The following POLR1B variants were observed in gnomAD, a reference collection of about 807,000 sequenced individuals.
POLR1B encodes DNA-directed RNA polymerase I subunit RPA2.
A neutral mutation model predicts 105.8 loss-of-function variants in POLR1B; 30 were observed. The ratio of observed to expected loss-of-function variants is 0.28; its 90% CI spans 0.21 to 0.38. POLR1B has a LOEUF of 0.38. Ranked by LOEUF, POLR1B falls within the 10% of genes least tolerant of loss-of-function variation. POLR1B has a pLI of 1.00. For missense variants in POLR1B, 976 were observed against 1,435.8 expected (o/e 0.68, Z 5.17); for synonymous variants, 485 against 505.1 (o/e 0.96, Z 0.53).
chr2:112,566,114 G>A (rs547308301), intron 10 of POLR1B, among the ~76,000 whole-genome samples: 7 of 152,128 alleles, frequency 4.6e-5, no homozygotes, highest in East Asian at 1.9e-4. Flanking sequence ...TTGGCCTCCC[G>A]AAGTGCTGGG....
rs188545312 is a variant in POLR1B at position 112,578,994 on chromosome 2, G to A, written c.*3265G>A. On this transcript the variant is annotated 3_prime_UTR_variant, in exon 15 of 15. Transcript: ENST00000263331. ...AGGCTGAGGTGTGCAGATCACTTGA[G>A]GTCAGGAGTTTGAGACCAGCCTGGC... 6.6e-4 allele frequency among the ~76,000 whole-genome samples: 100 copies of A among 152,142 alleles called. No individual in the cohort carries two copies. Among genetic ancestry groups the A allele is most frequent in the Non-Finnish European group, 1.2e-3 (79 of 67,998 alleles).
chr2:112,564,582 G>A (rs1684182390), intron 10 of POLR1B, 83 bp downstream of exon 10: 1 of 1,563,842 alleles, frequency 6.4e-7, no homozygotes. Flanking sequence ...TAACCCCTGG[G>A]CGGTCTAGAG....
In POLR1B at chr2:112,550,694, A is replaced by G. The variant is rs74635350; in HGVS notation, c.626-172A>G. ...GTTTCTCAATCTGGGTAGATTTTGC[A>G]TGCAAGAGGACATTTGCTGAGGTTT... On this transcript the variant is annotated intron_variant, in intron 4 of 14. Coordinates refer to ENST00000263331, the MANE Select transcript of POLR1B (RefSeq NM_019014.6). 3,682 of 626,392 alleles carry G rather than the reference A, an allele frequency of 5.9e-3. 109 individuals carry two copies. The African/African-American group carries it at 0.06, about 10-fold the overall frequency. The allele number at this position is 626,392 out of a possible 1,614,324, so 38.8% of individuals were successfully genotyped here.
chr2:112,579,182 T>C lies in POLR1B; in HGVS notation c.*3453T>C, dbSNP rs1021181498. 9.0e-6 allele frequency among the ~76,000 whole-genome samples: 1 copy of C among 110,892 alleles called. No homozygotes were observed. The highest frequency in any genetic ancestry group is 1.7e-5 in the Non-Finnish European group (1 of 60,212). 72.7% of individuals were successfully genotyped at this position (110,892 alleles called of 152,430 possible). A position where few individuals can be genotyped will look rare whatever the true frequency, so the allele number is the denominator to read the frequency against. On this transcript the variant is annotated 3_prime_UTR_variant, in exon 15 of 15. Transcript: ENST00000263331. ...AAGATCACGCCACTGCACAGCAACC[T>C]GGGCAACAGAGCAAGACTAGAGTCT...
chr2:112,570,392 A>C (rs1462973290), intron 12 of POLR1B, among the ~76,000 whole-genome samples: 5 of 152,146 alleles, frequency 3.3e-5, no homozygotes, highest in Non-Finnish European at 7.4e-5. Flanking sequence ...GTCACTTTTT[A>C]TTCTGTCTTC....
chr2:112,574,130 C>G (rs1436747665), intron 14 of POLR1B, among the ~76,000 whole-genome samples: 2 of 152,178 alleles, frequency 1.3e-5, no homozygotes, highest in Non-Finnish European at 2.9e-5. Flanking sequence ...CAGGCCTGAG[C>G]CACCATCCCT....
Position 112,573,557 on chromosome 2 carries a change from C to A in POLR1B, c.2272-5C>A. The A allele has an allele frequency of 6.2e-7, 1 of 1,608,150 alleles. No homozygotes were observed. Among genetic ancestry groups the A allele is most frequent in the Non-Finnish European group, 8.5e-7 (1 of 1,177,188 alleles). On this transcript the variant is annotated splice_polypyrimidine_tract_variant and splice_region_variant and intron_variant, in intron 13 of 14. Coordinates refer to ENST00000263331, the MANE Select transcript of POLR1B (RefSeq NM_019014.6). ...CAGTCTTTTAACGATTCTTTTACTT[C>A]ACAGATTGTGAATAAGGCCTCTTGG...
chr2:112,547,308 C>G, intron 2 of POLR1B, 113 bp from the exon 3 acceptor site: 1 of 1,482,904 alleles, frequency 6.7e-7, no homozygotes, highest in South Asian at 1.3e-5. Context: ...CCTTCTAAAT[C>G]TAAGGCATAA....
rs748261770 is a variant in POLR1B at position 112,558,095 on chromosome 2, G to T, written c.1330+14G>T. ...GTTCTAAAACAGGTAAAATTAAATCGATCGTTTTAGTTATGTTTTTCAAAT... is the reference window on the plus strand; with the variant it reads ...GTTCTAAAACAGGTAAAATTAAATCTATCGTTTTAGTTATGTTTTTCAAAT... On this transcript the variant is annotated intron_variant, in intron 8 of 14. Coordinates refer to ENST00000263331, the MANE Select transcript of POLR1B (RefSeq NM_019014.6). 3.0e-6 allele frequency: 4 copies of T among 1,317,952 alleles called. No individual in the cohort carries two copies. Among genetic ancestry groups the T allele is most frequent in the South Asian group, 5.9e-5 (2 of 33,810 alleles). The allele number at this position is 1,317,952 out of a possible 1,614,324, so 81.6% of individuals were successfully genotyped here.
In POLR1B at chr2:112,542,616, C is replaced by A. The variant is rs1316394001; in HGVS notation, c.122C>A (p.Ala41Glu). The A allele has an allele frequency of 6.2e-7, 1 of 1,614,134 alleles. No homozygotes were observed. Residue 41 changes from alanine (A) to glutamate (E), a missense_variant, in exon 1 of 15, where the codon GCG becomes GAG. By Grantham distance (107) the Ala-to-Glu change is moderately radical. Transcript: ENST00000263331. ...GCAGCGTTGCAGGAGCTGACGCGGG[C>A]GCACGTGGAGTCCTTCAACTACGCT... ...QKAALQELTR[A>E]HVESFNYAVH...
chr2:112,579,435 C>T lies in POLR1B; in HGVS notation c.*3706C>T, dbSNP rs1486828158. On this transcript the variant is annotated 3_prime_UTR_variant, in exon 15 of 15. Transcript: ENST00000263331. Reference sequence around the variant, plus strand: ...TCCTACCAGCAATGTATAAGTGATTCATTTCTTGGCATTCTGACCAACCAG... The same window carrying T: ...TCCTACCAGCAATGTATAAGTGATTTATTTCTTGGCATTCTGACCAACCAG... 1 of 152,034 alleles carries T rather than the reference C, an allele frequency of 6.6e-6. No homozygotes were observed. The highest frequency in any genetic ancestry group is 1.5e-5 in the Non-Finnish European group (1 of 68,028). 9.4% of individuals were successfully genotyped at this position (152,034 alleles called of 1,614,324 possible).
rs1290348273 is a variant in POLR1B, at chr2:112,547,020, T to G, written c.186T>G (p.Pro62=). Residue 62 remains proline (P), a synonymous_variant, in exon 2 of 15, where the codon CCT becomes CCG. Coordinates refer to ENST00000263331, the MANE Select transcript of POLR1B (RefSeq NM_019014.6). The stretch of plus-strand genomic sequence containing the variant: ...TGTGAATTGCATTTCAGGCTATACC[T>G]CCCTTTGAATTTGCTTTCAAAGATG... ...EGLGLAVQAI[P]PFEFAFKDER... is the part of the protein sequence containing the mutation. The G allele has an allele frequency of 3.1e-6, 5 of 1,614,026 alleles. No homozygotes were observed. In the South Asian group the frequency reaches 5.5e-5, roughly 18 times the overall value.
chr2:112,549,235 G>T, intron 3 of POLR1B, 32 bp from the exon 4 acceptor site: 1 of 1,610,108 alleles, frequency 6.2e-7, no homozygotes, highest in Non-Finnish European at 8.5e-7. Context: ...ATGTATCTTT[G>T]TTTAACAAGT....
intron 14 of POLR1B, 83 bp from the exon 15 acceptor site, chr2:112,574,764 A>T: frequency 2.0e-5 from 21 of 1,031,114 alleles, no homozygotes; most frequent in Non-Finnish European, 2.7e-5. Flanking sequence ...AATATCCTTT[A>T]TGAAGCACTA....
intron 1 of POLR1B, among the ~76,000 whole-genome samples, chr2:112,544,588 G>T (rs1189319392): frequency 6.6e-6 from 1 of 152,114 alleles, no homozygotes; most frequent in East Asian, 1.9e-4. Context: ...GTCTGCTTGT[G>T]CATTCAGTCC....
Position 112,546,826 on chromosome 2 carries a change from GTGCTGAGATTAC to G in POLR1B, c.178-185_178-174del, listed in dbSNP as rs773839048. On this transcript the variant is annotated intron_variant, in intron 1 of 14. Coordinates refer to ENST00000263331, the MANE Select transcript of POLR1B (RefSeq NM_019014.6). ...GATCCTCCCACCTCGGCCTCCCAAA[GTGCTGAGATTAC>G]AGGCGTGAACCACTGCGCCCGGCCA... The G allele has an allele frequency of 1.9e-3, 968 of 502,712 alleles. 6 individuals are homozygous for G. The highest frequency in any genetic ancestry group is 2.8e-3 in the Non-Finnish European group (790 of 285,082). 31.1% of individuals were successfully genotyped at this position (502,712 alleles called of 1,614,324 possible). A position where few individuals can be genotyped will look rare whatever the true frequency, so the allele number is the denominator to read the frequency against.
At chr2:112,561,428 T>C (rs1683978044) in intron 9 of POLR1B, among the ~76,000 whole-genome samples, 1 of 151,722 alleles carries the variant, frequency 6.6e-6, no homozygotes, top group East Asian at 1.9e-4. Context: ...ACACTTGATG[T>C]CTTCAGAATG....
At chr2:112,558,732 C>T (rs551384338) in intron 8 of POLR1B, among the ~76,000 whole-genome samples, 8 of 152,110 alleles carry the variant, frequency 5.3e-5, no homozygotes, top group African/African-American at 1.9e-4. Flanking sequence ...GATCCTCCGA[C>T]GTCAGCCCCA....
intron 9 of POLR1B, among the ~76,000 whole-genome samples, chr2:112,563,655 T>C (rs1684125639): frequency 6.6e-6 from 1 of 152,094 alleles, no homozygotes; most frequent in Admixed American, 6.5e-5. Context: ...TCCAGCACTT[T>C]GGGAGGCCAA....
Sources: allele counts gnomAD v4.1 joint callset (sites outside exome capture counted in the v4.1 genomes callset), GRCh38; gene constraint gnomAD v4.1.1; transcripts MANE v1.5; gene names NCBI Gene and HGNC (gene_info 2026-07-23, HGNC 2026-07-21).